Variants in SMYD3 observed in about 807,000 individuals in gnomAD.
SMYD3 encodes the protein SET and MYND domain containing 3.
SMYD3 carries 36 observed loss-of-function variants against 57.7 expected under a neutral mutation model. The ratio of observed to expected loss-of-function variants is 0.62; its 90% CI spans 0.48 to 0.82. The LOEUF (loss-of-function observed/expected upper bound fraction) is 0.82. Ranked by LOEUF, SMYD3 falls within the 40% of genes least tolerant of loss-of-function variation. The pLI, the probability that SMYD3 is intolerant of heterozygous loss-of-function variation, is 0.00. For missense variants in SMYD3, 515 were observed against 538.8 expected, an observed-to-expected ratio of 0.96 and a Z score of 0.44; for synonymous variants, 211 against 195.0, an observed-to-expected ratio of 1.08 and a Z score of -0.68.
intron 5 of SMYD3, among the ~76,000 whole-genome samples, chr1:246,061,360 A>C (rs1044609641): frequency 6.6e-6 from 1 of 152,338 alleles, no homozygotes; most frequent in East Asian, 1.9e-4. Flanking sequence ...AAATGTGCTG[A>C]TAGAGTTTCT....
intron 5 of SMYD3, among the ~76,000 whole-genome samples, chr1:246,282,576 T>A (rs1416449464): frequency 6.6e-6 from 1 of 151,766 alleles, no homozygotes; most frequent in Non-Finnish European, 1.5e-5. Context: ...TGTATTTTTC[T>A]TTTCTTTTGC....
intron 5 of SMYD3, among the ~76,000 whole-genome samples, chr1:246,269,533 CT>C (rs139750750): frequency 1.3e-4 from 18 of 138,816 alleles, no homozygotes; most frequent in African/African-American, 1.9e-4. Context: ...CTTTCTGTTT[CT>C]TTTTTTTTCT....
chr1:245,903,646 G>C (rs1303618344), intron 8 of SMYD3, among the ~76,000 whole-genome samples: 1 of 152,218 alleles, frequency 6.6e-6, no homozygotes, highest in African/African-American at 2.4e-5. Flanking sequence ...AGTGGTGCGT[G>C]GTGACAAGAG....
At chr1:246,408,042 A>G (rs571304996) in intron 1 of SMYD3, among the ~76,000 whole-genome samples, 1 of 151,880 alleles carries the variant, frequency 6.6e-6, no homozygotes, top group Non-Finnish European at 1.5e-5. Flanking sequence ...AGGGGAAGTC[A>G]GCTCCCTTGG....
intron 5 of SMYD3, among the ~76,000 whole-genome samples, chr1:246,300,838 T>G (rs1256730851): frequency 6.6e-6 from 1 of 152,162 alleles, no homozygotes; most frequent in East Asian, 1.9e-4. Context: ...TCAAAGCACA[T>G]CAAGTTTGCT....
intron 10 of SMYD3, among the ~76,000 whole-genome samples, chr1:245,849,189 A>C (rs2050824943): frequency 6.6e-6 from 1 of 152,148 alleles, no homozygotes. Flanking sequence ...CCTGGTCTGA[A>C]CTTTTCCCAG....
chr1:246,179,239 C>G (rs1477515396), intron 5 of SMYD3: 2 of 153,100 alleles, frequency 1.3e-5, no homozygotes, highest in Non-Finnish European at 2.9e-5. Flanking sequence ...CCAGTCCTTC[C>G]ACTTCAGAGT....
chr1:246,175,700 T>G (rs1260921720), intron 5 of SMYD3, among the ~76,000 whole-genome samples: 1 of 152,126 alleles, frequency 6.6e-6, no homozygotes, highest in Non-Finnish European at 1.5e-5. Context: ...TAGGGGAAAG[T>G]TTTAAACATT....
At chr1:246,059,014 G>A (rs945154545) in intron 5 of SMYD3, among the ~76,000 whole-genome samples, 7 of 151,890 alleles carry the variant, frequency 4.6e-5, no homozygotes, top group Admixed American at 3.9e-4. Flanking sequence ...AGCTGGAACT[G>A]CAGGCGTCCG....
intron 11 of SMYD3, among the ~76,000 whole-genome samples, chr1:245,752,178 C>T (rs2045414039): frequency 6.6e-6 from 1 of 152,302 alleles, no homozygotes; most frequent in Non-Finnish European, 1.5e-5. Flanking sequence ...TTTTACTCAA[C>T]AAAGAGCCAG....
At chr1:246,218,763 G>A (rs2063206808) in intron 5 of SMYD3, among the ~76,000 whole-genome samples, 1 of 152,140 alleles carries the variant, frequency 6.6e-6, no homozygotes, top group South Asian at 2.1e-4. Flanking sequence ...AAACAAAAAA[G>A]CAATAATACT....
chr1:246,406,627 G>A (rs1466681229), intron 1 of SMYD3, among the ~76,000 whole-genome samples: 5 of 152,192 alleles, frequency 3.3e-5, no homozygotes, highest in Non-Finnish European at 5.9e-5. Context: ...ACATGTACCA[G>A]CTTAATAAAT....
intron 5 of SMYD3, among the ~76,000 whole-genome samples, chr1:246,170,036 G>A (rs1474719274): frequency 1.3e-5 from 2 of 152,004 alleles, no homozygotes; most frequent in Non-Finnish European, 2.9e-5. Context: ...GTTTAATTCT[G>A]AGTCTGCATC....
chr1:246,016,827 G>A (rs1044131144), intron 5 of SMYD3, among the ~76,000 whole-genome samples: 1 of 152,070 alleles, frequency 6.6e-6, no homozygotes, highest in Non-Finnish European at 1.5e-5. Flanking sequence ...AATAGACATT[G>A]GAAAGAAATA....
intron 10 of SMYD3, among the ~76,000 whole-genome samples, chr1:245,782,800 T>C (rs975534383): frequency 6.6e-6 from 1 of 152,250 alleles, no homozygotes; most frequent in African/African-American, 2.4e-5. Context: ...GGCCAATGCC[T>C]GAGTCTAGAA....
At chr1:245,784,675 G>C (rs939084246) in intron 10 of SMYD3, among the ~76,000 whole-genome samples, 10 of 152,054 alleles carry the variant, frequency 6.6e-5, no homozygotes, top group African/African-American at 9.7e-5. Flanking sequence ...AATGTCACAA[G>C]AATGACCTTT....
intron 1 of SMYD3, among the ~76,000 whole-genome samples, chr1:246,482,097 G>T (rs925273825): frequency 1.3e-5 from 2 of 152,232 alleles, no homozygotes; most frequent in Non-Finnish European, 2.9e-5. Context: ...GGTCAAGCCT[G>T]CAGTGAGCCA....
At chr1:246,085,022 C>A (rs2060700468) in intron 5 of SMYD3, among the ~76,000 whole-genome samples, 1 of 152,154 alleles carries the variant, frequency 6.6e-6, no homozygotes, top group African/African-American at 2.4e-5. Context: ...GCTGCATGTA[C>A]CTCCTGTGTT....
At chr1:246,074,051 GT>G (rs1360020316) in intron 5 of SMYD3, among the ~76,000 whole-genome samples, 1 of 152,122 alleles carries the variant, frequency 6.6e-6, no homozygotes. Flanking sequence ...TAAAACATAA[GT>G]TTTTTTGTGT....
Sources: allele counts gnomAD v4.1 joint callset (sites outside exome capture counted in the v4.1 genomes callset), GRCh38; gene constraint gnomAD v4.1.1; transcripts MANE v1.5; gene names NCBI Gene and HGNC (gene_info 2026-07-23, HGNC 2026-07-21).